Variants in DPYSL3 observed in about 807,000 individuals in gnomAD.
DPYSL3 encodes the protein dihydropyrimidinase like 3.
DPYSL3 carries 16 observed loss-of-function variants against 66.1 expected under a neutral mutation model. The ratio of observed to expected loss-of-function variants is 0.24; its 90% CI spans 0.16 to 0.37. The LOEUF is 0.37. Ranked by LOEUF, DPYSL3 falls within the 10% of genes least tolerant of loss-of-function variation. DPYSL3 has a pLI of 1.00. For missense variants in DPYSL3, 738 were observed against 916.2 expected (o/e 0.81, Z 2.51); for synonymous variants, 338 against 345.1 (o/e 0.98, Z 0.23).
chr5:147,466,606 A>T (rs1753013232), intron 1 of DPYSL3, among the ~76,000 whole-genome samples: 1 of 152,160 alleles, frequency 6.6e-6, no homozygotes, highest in South Asian at 2.1e-4. Context: ...TTGAGTTCAG[A>T]TCCCTTCCTG....
At chr5:147,468,667 T>C (rs1753042949) in intron 1 of DPYSL3, among the ~76,000 whole-genome samples, 1 of 152,090 alleles carries the variant, frequency 6.6e-6, no homozygotes, top group African/African-American at 2.4e-5. Flanking sequence ...AGAAACTATG[T>C]TTTGCCATAG....
rs1020244987 is a variant in DPYSL3, at chr5:147,433,893, G to C, written c.382-8930C>G. On this transcript the variant is annotated intron_variant, in intron 1 of 13. Coordinates refer to ENST00000343218, the MANE Select transcript of DPYSL3 (RefSeq NM_001197294.2). ...CTAAAAATACAAAAATTAACTGGGC[G>C]TGGTGGCATCCCTGTAATCCCAGCT... 2.0e-5 allele frequency among the ~76,000 whole-genome samples: 3 copies of C among 152,050 alleles called. No homozygotes were observed. In the East Asian group the frequency reaches 5.8e-4, roughly 29 times the overall value.
At chr5:147,449,999 G>A (rs1219303141) in intron 1 of DPYSL3, among the ~76,000 whole-genome samples, 4 of 152,112 alleles carry the variant, frequency 2.6e-5, no homozygotes, top group Admixed American at 2.0e-4. Context: ...CAGTGCAGAT[G>A]GTCTGGAAAC....
At chr5:147,397,213 T>C (rs952012447) in intron 12 of DPYSL3, among the ~76,000 whole-genome samples, 2 of 130,522 alleles carry the variant, frequency 1.5e-5, no homozygotes, top group Admixed American at 8.1e-5. Flanking sequence ...TGTGTGTGTT[T>C]ATATATAAAA....
At chr5:147,484,154 C>T (rs924913217) in intron 1 of DPYSL3, among the ~76,000 whole-genome samples, 3 of 152,206 alleles carry the variant, frequency 2.0e-5, no homozygotes, top group African/African-American at 4.8e-5. Context: ...GAAGGGAGCC[C>T]GTGCTGCTGG....
chr5:147,440,292 G>C (rs1208987857), intron 1 of DPYSL3, among the ~76,000 whole-genome samples: 1 of 152,160 alleles, frequency 6.6e-6, no homozygotes, highest in Non-Finnish European at 1.5e-5. Flanking sequence ...GACAGAGTGA[G>C]ACTCCACCTC....
intron 1 of DPYSL3, among the ~76,000 whole-genome samples, chr5:147,485,466 T>C (rs922469212): frequency 1.3e-5 from 2 of 152,206 alleles, no homozygotes; most frequent in Non-Finnish European, 2.9e-5. Flanking sequence ...CTTTCCATCA[T>C]ATGAATATGA....
At chr5:147,505,686 T>C (rs931231243) in intron 1 of DPYSL3, among the ~76,000 whole-genome samples, 1 of 152,210 alleles carries the variant, frequency 6.6e-6, no homozygotes, top group Non-Finnish European at 1.5e-5. Flanking sequence ...TTAAAATATC[T>C]TTTGATAGCT....
intron 1 of DPYSL3, among the ~76,000 whole-genome samples, chr5:147,496,646 A>T (rs550536243): frequency 6.6e-6 from 1 of 152,186 alleles, no homozygotes; most frequent in Non-Finnish European, 1.5e-5. Context: ...AACACATGAA[A>T]AAATGCTCAT....
chr5:147,444,122 G>A (rs1353771773), intron 1 of DPYSL3, among the ~76,000 whole-genome samples: 2 of 152,032 alleles, frequency 1.3e-5, no homozygotes, highest in African/African-American at 4.8e-5. Flanking sequence ...GTGGGAGAGG[G>A]ATAAGTTATT....
chr5:147,444,463 A>G (rs1752592912), intron 1 of DPYSL3, among the ~76,000 whole-genome samples: 1 of 152,206 alleles, frequency 6.6e-6, no homozygotes, highest in South Asian at 2.1e-4. Flanking sequence ...TTTATGCAAT[A>G]AAAAATAGCA....
chr5:147,440,393 C>G (rs1055012825), intron 1 of DPYSL3, among the ~76,000 whole-genome samples: 2 of 152,212 alleles, frequency 1.3e-5, no homozygotes, highest in African/African-American at 4.8e-5. Flanking sequence ...ATTTATCTAT[C>G]TAATCACTGA....
At chr5:147,412,401 T>C (rs546584576) in intron 6 of DPYSL3, among the ~76,000 whole-genome samples, 1 of 152,328 alleles carries the variant, frequency 6.6e-6, no homozygotes, top group South Asian at 2.1e-4. Context: ...CTTTCTGTTT[T>C]ACCTCATCTT....
At chr5:147,426,004 T>A (rs1449064247) in intron 1 of DPYSL3, among the ~76,000 whole-genome samples, 1 of 107,558 alleles carries the variant, frequency 9.3e-6, no homozygotes, top group South Asian at 3.4e-4. Context: ...ACTCCAACCA[T>A]CCATCCATCC....
At chr5:147,430,594 G>A (rs1359948414) in intron 1 of DPYSL3, among the ~76,000 whole-genome samples, 2 of 151,760 alleles carry the variant, frequency 1.3e-5, no homozygotes, top group East Asian at 1.9e-4. Context: ...GGAAAGGGCG[G>A]GGAGAGAGAA....
intron 1 of DPYSL3, among the ~76,000 whole-genome samples, chr5:147,429,067 G>T (rs116099606): frequency 6.6e-6 from 1 of 152,118 alleles, no homozygotes; most frequent in Non-Finnish European, 1.5e-5. Flanking sequence ...GCTGATGTCT[G>T]AGGAGGTTAA....
At chr5:147,496,324 A>T (rs150654207) in intron 1 of DPYSL3, among the ~76,000 whole-genome samples, 3,177 of 152,344 alleles carry the variant, frequency 0.021, 56 homozygotes, top group Non-Finnish European at 0.03. Flanking sequence ...AATACCATTC[A>T]GGACATACGC....
At chr5:147,454,909 C>G (rs1007265166) in intron 1 of DPYSL3, among the ~76,000 whole-genome samples, 2 of 152,028 alleles carry the variant, frequency 1.3e-5, no homozygotes, top group East Asian at 1.9e-4. Context: ...TCAACTCTCA[C>G]GACAAATAAT....
intron 1 of DPYSL3, among the ~76,000 whole-genome samples, chr5:147,449,285 C>T (rs1240057897): frequency 6.6e-6 from 1 of 152,200 alleles, no homozygotes; most frequent in Non-Finnish European, 1.5e-5. Flanking sequence ...CTACTACACT[C>T]ACAATCACAC....
Sources: allele counts gnomAD v4.1 joint callset (sites outside exome capture counted in the v4.1 genomes callset), GRCh38; gene constraint gnomAD v4.1.1; transcripts MANE v1.5; gene names NCBI Gene and HGNC (gene_info 2026-07-23, HGNC 2026-07-21).